Variants in MDGA2 observed in about 807,000 individuals in gnomAD.
MDGA2 encodes the protein MAM domain-containing glycosylphosphatidylinositol anchor protein 2.
A neutral mutation model predicts 117.8 loss-of-function variants in MDGA2; 40 were observed. That is an observed-to-expected ratio of 0.34 (90% CI 0.26 to 0.44). The LOEUF is 0.44. MDGA2 is among the 20% of genes least tolerant of loss of function. The probability of loss-of-function intolerance (pLI) is 1.00; values close to 1 mark genes in which losing one functional copy is unlikely to be tolerated. For missense variants in MDGA2, 1,123 were observed against 1,250.6 expected (o/e 0.90, Z 1.54); for synonymous variants, 452 against 439.0 (o/e 1.03, Z -0.37).
chr14:47,482,026 A>C (rs2138636135), intron 1 of MDGA2, among the ~76,000 whole-genome samples: 1 of 152,150 alleles, frequency 6.6e-6, no homozygotes, highest in Non-Finnish European at 1.5e-5. Flanking sequence ...CATTTTAGTA[A>C]GATATTGTAA....
At chr14:47,614,875 T>A (rs930709716) in intron 1 of MDGA2, among the ~76,000 whole-genome samples, 10 of 152,148 alleles carry the variant, frequency 6.6e-5, no homozygotes, top group Non-Finnish European at 1.2e-4. Flanking sequence ...CCACTTCAGG[T>A]GGGGTTTGGA....
intron 1 of MDGA2, among the ~76,000 whole-genome samples, chr14:47,661,420 T>C (rs1415472889): frequency 6.6e-6 from 1 of 152,326 alleles, no homozygotes; most frequent in Admixed American, 6.5e-5. Flanking sequence ...CTATATCTCA[T>C]CTTTAATTAT....
intron 2 of MDGA2, among the ~76,000 whole-genome samples, chr14:47,254,423 A>G (rs1887551105): frequency 6.6e-6 from 1 of 152,046 alleles, no homozygotes. Context: ...GCAGGAGCAA[A>G]ATGCCACCAG....
At chr14:47,582,860 T>C (rs1410102977) in intron 1 of MDGA2, among the ~76,000 whole-genome samples, 1 of 151,896 alleles carries the variant, frequency 6.6e-6, no homozygotes, top group Non-Finnish European at 1.5e-5. Flanking sequence ...TAATCCAGAA[T>C]TAGTAACAAC....
At chr14:47,446,889 T>C (rs1037753488) in intron 1 of MDGA2, among the ~76,000 whole-genome samples, 15 of 152,170 alleles carry the variant, frequency 9.9e-5, no homozygotes, top group Non-Finnish European at 1.9e-4. Flanking sequence ...CCCCCCTCTA[T>C]TGCAGACTTA....
chr14:47,392,253 C>T (rs752959531), intron 1 of MDGA2, among the ~76,000 whole-genome samples: 1 of 151,944 alleles, frequency 6.6e-6, no homozygotes, highest in Non-Finnish European at 1.5e-5. Flanking sequence ...GGGGCAAAGA[C>T]AAAAATGAAG....
intron 8 of MDGA2, among the ~76,000 whole-genome samples, chr14:46,998,078 A>G (rs1425425084): frequency 6.6e-6 from 1 of 152,120 alleles, no homozygotes; most frequent in African/African-American, 2.4e-5. Flanking sequence ...GAAGAGAAGG[A>G]AAAAAGAGTT....
intron 1 of MDGA2, among the ~76,000 whole-genome samples, chr14:47,536,848 T>G (rs1012201396): frequency 6.6e-6 from 1 of 152,268 alleles, no homozygotes; most frequent in Non-Finnish European, 1.5e-5. Flanking sequence ...ATAGTTTTAA[T>G]AGCTAAGCAT....
chr14:47,266,902 AC>A (rs1472647097), intron 2 of MDGA2, among the ~76,000 whole-genome samples: 6 of 152,196 alleles, frequency 3.9e-5, no homozygotes, highest in African/African-American at 1.4e-4. Flanking sequence ...GTTATCCAGA[AC>A]ATCCCCATTC....
intron 1 of MDGA2, among the ~76,000 whole-genome samples, chr14:47,521,709 T>C (rs1391444943): frequency 6.6e-6 from 1 of 152,216 alleles, no homozygotes; most frequent in Non-Finnish European, 1.5e-5. Flanking sequence ...TCTTACTCTG[T>C]CACCCAGGCT....
intron 1 of MDGA2, among the ~76,000 whole-genome samples, chr14:47,571,710 C>T (rs1034246824): frequency 2.1e-5 from 3 of 144,118 alleles, no homozygotes; most frequent in African/African-American, 7.8e-5. Flanking sequence ...TCAATGAGAA[C>T]ACATGGACAT....
At chr14:46,854,908 T>C (rs1881206710) in intron 15 of MDGA2, 116 bp downstream of exon 15, 1 of 883,356 alleles carries the variant, frequency 1.1e-6, no homozygotes, top group Non-Finnish European at 1.6e-6. Flanking sequence ...CATATAATTT[T>C]TGTGATGCTT....
At chr14:47,044,837 C>A (rs1889200014) in intron 7 of MDGA2, among the ~76,000 whole-genome samples, 1 of 152,130 alleles carries the variant, frequency 6.6e-6, no homozygotes, top group South Asian at 2.1e-4. Flanking sequence ...CACACACATA[C>A]ATAATGACTA....
chr14:46,955,907 A>G (rs1265006460), intron 9 of MDGA2, among the ~76,000 whole-genome samples: 1 of 152,226 alleles, frequency 6.6e-6, no homozygotes, highest in African/African-American at 2.4e-5. Context: ...ATCTTTGTAT[A>G]CTTCTATTCC....
At chr14:47,098,429 A>G (rs1880109252) in intron 5 of MDGA2, among the ~76,000 whole-genome samples, 1 of 151,820 alleles carries the variant, frequency 6.6e-6, no homozygotes. Flanking sequence ...TCATACTATT[A>G]GCCCTTCTGA....
intron 8 of MDGA2, among the ~76,000 whole-genome samples, chr14:47,022,841 A>G (rs1329900827): frequency 6.6e-6 from 1 of 152,186 alleles, no homozygotes; most frequent in Admixed American, 6.5e-5. Flanking sequence ...GATCTCACAA[A>G]GGGTAGGGAA....
At position 46,874,107 on chromosome 14, in the gene MDGA2, G is replaced by A; in HGVS notation, c.2531C>T (p.Thr844Ile). 2 of 1,557,202 alleles carry A rather than the reference G, an allele frequency of 1.3e-6. No individual in the cohort carries two copies. Among genetic ancestry groups the A allele is most frequent in the Admixed American group, 1.9e-5 (1 of 52,704 alleles). ...ATTAGGAGTATATTTTGTATTTCTT[G>A]TTGCTGTACTTTGCTTTGTCCAGTC... Reference protein sequence around the residue: ...NFDWTKQSTATRNTKYTPNTG... With the variant: ...NFDWTKQSTAIRNTKYTPNTG... Residue 844 changes from threonine (T) to isoleucine (I), a missense_variant, in exon 13 of 17, where the codon ACA (threonine) becomes ATA (isoleucine). Around this residue, in one of 2 missense-constraint regions of MDGA2, gnomAD observed 890 missense variants for 1,050.3 expected, o/e 0.85. Coordinates refer to ENST00000399232, the MANE Select transcript of MDGA2 (RefSeq NM_001113498.3).
At chr14:47,539,225 G>A (rs754786629) in intron 1 of MDGA2, among the ~76,000 whole-genome samples, 7 of 152,104 alleles carry the variant, frequency 4.6e-5, no homozygotes, top group Non-Finnish European at 1.0e-4. Context: ...CTGGTGCCCC[G>A]GACTGCATGC....
chr14:47,605,156 C>T (rs1393622977), intron 1 of MDGA2, among the ~76,000 whole-genome samples: 1 of 152,114 alleles, frequency 6.6e-6, no homozygotes, highest in Non-Finnish European at 1.5e-5. Flanking sequence ...CATAAGAGTT[C>T]CCTTAGGTTT....
Sources: gnomAD v4.1 joint callset for allele counts (sites outside exome capture counted in the v4.1 genomes callset) on GRCh38, gnomAD v4.1.1 for gene constraint, gnomAD v4.1.1 regional missense constraint, MANE v1.5 for transcripts, NCBI Gene and HGNC (gene_info 2026-07-23, HGNC 2026-07-21) for gene names.